The following LRRK1 variants were observed in gnomAD, a reference collection of about 807,000 sequenced individuals.
LRRK1 encodes the protein leucine rich repeat kinase 1.
In LRRK1, 113 loss-of-function variants were observed where a neutral mutation model predicts 209.1. That is an observed-to-expected ratio of 0.54 (90% confidence interval 0.46 to 0.63). LRRK1 has a LOEUF of 0.63. LRRK1 is among the 30% of genes least tolerant of loss of function. The probability of loss-of-function intolerance (pLI) is 0.00; values close to 1 mark genes in which losing one functional copy is unlikely to be tolerated. For synonymous variants in LRRK1, 1,144 were observed against 1,099.7 expected, an observed-to-expected ratio of 1.04 and a Z score of -0.80; for missense variants, 2,284 against 2,632.2, an observed-to-expected ratio of 0.87 and a Z score of 2.89.
chr15:101,048,778 G>T, intron 22 of LRRK1, 121 bp downstream of exon 22: 1 of 755,610 alleles, frequency 1.3e-6, no homozygotes, highest in Non-Finnish European at 2.0e-6. Flanking sequence ...AGAGCGGCTC[G>T]TCATGGCAGC....
chr15:101,028,072 G>T (rs1291114685), intron 19 of LRRK1, among the ~76,000 whole-genome samples: 1 of 152,200 alleles, frequency 6.6e-6, no homozygotes, highest in African/African-American at 2.4e-5. Context: ...TATTCAGTCA[G>T]GGAGACAGAG....
intron 2 of LRRK1, among the ~76,000 whole-genome samples, chr15:100,965,898 C>G (rs372184156): frequency 5.9e-5 from 9 of 152,246 alleles, no homozygotes; most frequent in Admixed American, 3.3e-4. Flanking sequence ...TTTGAAACTG[C>G]ATTATAGCAA....
At position 100,938,406 on chromosome 15, in the gene LRRK1, C is replaced by T. The variant is rs541888067; in HGVS notation, c.97+13677C>T. The stretch of plus-strand genomic sequence containing the variant: ...TAAGGATAATTAGCATATCTATCAC[C>T]GCAAACATTTTTCATTTCTTGGTGT... On this transcript the variant is annotated intron_variant, in intron 2 of 33. Coordinates refer to ENST00000388948, the MANE Select transcript of LRRK1 (RefSeq NM_024652.6). Among the ~76,000 whole-genome samples the T allele has an allele frequency of 5.9e-5, 9 of 152,048 alleles. No homozygotes were observed. In the South Asian group the frequency reaches 6.2e-4, roughly 11 times the overall value.
intron 12 of LRRK1, among the ~76,000 whole-genome samples, chr15:101,015,930 C>T (rs527787609): frequency 2.6e-5 from 4 of 152,106 alleles, no homozygotes; most frequent in Admixed American, 1.3e-4. Context: ...TCCTGGCATC[C>T]TTCTCTCTAT....
At chr15:100,932,669 A>G (rs1413460948) in intron 2 of LRRK1, among the ~76,000 whole-genome samples, 6 of 152,332 alleles carry the variant, frequency 3.9e-5, no homozygotes, top group Non-Finnish European at 7.4e-5. Context: ...CCCAGTGTCA[A>G]CTTCCCAAAA....
chr15:100,965,499 A>G (rs538671729), intron 2 of LRRK1, among the ~76,000 whole-genome samples: 30 of 152,356 alleles, frequency 2.0e-4, no homozygotes, highest in South Asian at 1.2e-3. Flanking sequence ...AGTGAAGACT[A>G]ACACTTATCA....
chr15:101,000,509 C>T (rs2032632101), intron 6 of LRRK1, among the ~76,000 whole-genome samples: 1 of 152,202 alleles, frequency 6.6e-6, no homozygotes, highest in Non-Finnish European at 1.5e-5. Context: ...AATGTATTCT[C>T]TCACGGTCCT....
At chr15:101,031,762 T>C (rs1262069205) in intron 20 of LRRK1, among the ~76,000 whole-genome samples, 3 of 150,654 alleles carry the variant, frequency 2.0e-5, no homozygotes, top group Non-Finnish European at 4.4e-5. Flanking sequence ...TGAGATGGAG[T>C]CTCGCTCTGT....
Position 101,022,393 on chromosome 15 carries a change from A to G in LRRK1, c.1863A>G (p.Ala621=), listed in dbSNP as rs1214533789. 1.2e-6 allele frequency: 2 copies of G among 1,614,238 alleles called. No homozygotes were observed. The highest frequency in any genetic ancestry group is 3.3e-5 in the Admixed American group (2 of 60,030). Residue 621 remains alanine, a synonymous_variant, in exon 15 of 34, where the codon GCA becomes GCG. Coordinates refer to ENST00000388948, the MANE Select transcript of LRRK1 (RefSeq NM_024652.6). The surrounding 1 kb of genome is among the most constrained non-coding windows in gnomAD (Gnocchi z 4.0). The stretch of plus-strand genomic sequence containing the variant: ...AATGATTTTGCACAGGCCCCAAAGC[A>G]ATGCTGTCTTACCTGCGTGCTCAGC... The part of the protein sequence containing the change: ...PAEIQKEGPK[A]MLSYLRAQLR...
chr15:101,027,616 G>A lies in LRRK1; in HGVS notation c.2527-22G>A, dbSNP rs1362810132. The A allele has an allele frequency of 6.2e-7, 1 of 1,606,238 alleles. No homozygotes were observed. Among genetic ancestry groups the A allele is most frequent in the East Asian group, 2.2e-5 (1 of 44,646 alleles). The stretch of plus-strand genomic sequence containing the variant: ...TGTGCCTTGGGACCTGAGAGACCCT[G>A]CCTCGCCCAACTGTCCCCCAGATCC... On this transcript the variant is annotated intron_variant, in intron 18 of 33. Coordinates refer to ENST00000388948, the MANE Select transcript of LRRK1 (RefSeq NM_024652.6). This position sits in a 1 kb window ranked among gnomAD's most constrained non-coding sequence, Gnocchi z 5.1.
intron 12 of LRRK1, among the ~76,000 whole-genome samples, chr15:101,015,824 G>C (rs1163810515): frequency 1.3e-5 from 2 of 152,126 alleles, no homozygotes; most frequent in African/African-American, 4.8e-5. Flanking sequence ...CACCGACCGA[G>C]TGCTTCAGCA....
intron 4 of LRRK1, among the ~76,000 whole-genome samples, chr15:100,987,532 A>T (rs915577152): frequency 2.0e-5 from 3 of 152,198 alleles, no homozygotes; most frequent in South Asian, 2.1e-4. Flanking sequence ...GGCCTGACAG[A>T]TCTTTCACCA....
intron 6 of LRRK1, among the ~76,000 whole-genome samples, chr15:101,001,909 A>G (rs1055303810): frequency 6.6e-6 from 1 of 152,184 alleles, no homozygotes; most frequent in Non-Finnish European, 1.5e-5. Flanking sequence ...GAGACCTAGC[A>G]AGGAGCTAAC....
At chr15:101,015,673 A>G (rs1368577488) in intron 12 of LRRK1, among the ~76,000 whole-genome samples, 2 of 152,208 alleles carry the variant, frequency 1.3e-5, no homozygotes, top group Non-Finnish European at 2.9e-5. Context: ...TGATCTACAC[A>G]CCAGGCAGTG....
Position 101,078,127 on chromosome 15 carries a change from T to G in LRRK1, c.*9279T>G, listed in dbSNP as rs2037044015. Reference sequence around the variant, plus strand: ...TGCCCGCCAGAGAACAAACCCCCTTTGACTGTAATTTTCCTTTACCTACCC... The same window carrying G: ...TGCCCGCCAGAGAACAAACCCCCTTGGACTGTAATTTTCCTTTACCTACCC... On this transcript the variant is annotated 3_prime_UTR_variant, in exon 34 of 34. Coordinates refer to ENST00000388948, the MANE Select transcript of LRRK1 (RefSeq NM_024652.6). The G allele has an allele frequency of 6.6e-6, 1 of 151,780 alleles. No individual in the cohort carries two copies. The highest frequency in any genetic ancestry group is 2.4e-5 in the African/African-American group (1 of 41,234). The allele number at this position is 151,780 out of a possible 1,614,324, so 9.4% of individuals were successfully genotyped here. A position where few individuals can be genotyped will look rare whatever the true frequency, so the allele number is the denominator to read the frequency against.
At chr15:100,999,426 T>C (rs1386048422) in intron 6 of LRRK1, among the ~76,000 whole-genome samples, 1 of 152,226 alleles carries the variant, frequency 6.6e-6, no homozygotes, top group African/African-American at 2.4e-5. Context: ...CTCCCTAAAT[T>C]ACTGTCACGC....
chr15:101,038,509 G>T (rs1408600762), intron 20 of LRRK1, among the ~76,000 whole-genome samples: 2 of 152,202 alleles, frequency 1.3e-5, no homozygotes, highest in Non-Finnish European at 2.9e-5. Flanking sequence ...CACAAAGGGT[G>T]AGGGGCTCTC....
At chr15:101,053,468 C>T (rs1435279463) in intron 26 of LRRK1, 48 bp downstream of exon 26, 3 of 1,487,700 alleles carry the variant, frequency 2.0e-6, no homozygotes, top group Non-Finnish European at 2.7e-6. Context: ...GACAGAGCCC[C>T]GGGCGCCTCC....
chr15:101,026,239 AGGCCCCTTTCCTGGCCAAGGGT>A lies in LRRK1; in HGVS notation c.2405+107_2405+128del, dbSNP rs1260184477. On this transcript the variant is annotated intron_variant, in intron 17 of 33. Coordinates refer to ENST00000388948, the MANE Select transcript of LRRK1 (RefSeq NM_024652.6). ...AGAGCTCCTGAGTCTGGGTGGGGCTAGGCCCCTTTCCTGGCCAAGGGTGGCCATCCACAGAGCTGACCCAGCC... is the reference window on the plus strand; with the variant it reads ...AGAGCTCCTGAGTCTGGGTGGGGCTAGGCCATCCACAGAGCTGACCCAGCC... 7 of 1,240,864 alleles carry A rather than the reference AGGCCCCTTTCCTGGCCAAGGGT, an allele frequency of 5.6e-6. No homozygotes were observed. The East Asian group carries it at 1.5e-4, about 27-fold the overall frequency. The allele number at this position is 1,240,864 out of a possible 1,614,324, so 76.9% of individuals were successfully genotyped here. A position where few individuals can be genotyped will look rare whatever the true frequency, so the allele number is the denominator to read the frequency against.
Sources: allele counts gnomAD v4.1 joint callset (sites outside exome capture counted in the v4.1 genomes callset), GRCh38; gene constraint gnomAD v4.1.1; non-coding constraint Gnocchi (gnomAD v3.1); transcripts MANE v1.5; gene names NCBI Gene and HGNC (gene_info 2026-07-23, HGNC 2026-07-21).